TMEM71: variants seen among roughly 807,000 people sequenced by gnomAD.
TMEM71 encodes transmembrane protein 71.
TMEM71 carries 44 observed loss-of-function variants against 38.0 expected under a neutral mutation model. The observed-to-expected ratio is 1.16, with a 90% confidence interval of 0.91 to 1.49. The LOEUF (loss-of-function observed/expected upper bound fraction) is 1.49, where lower values mean the gene tolerates loss of function less well. TMEM71 is among the 40% of genes most tolerant of loss of function. The probability of loss-of-function intolerance (pLI) is 0.00; values close to 1 mark genes in which losing one functional copy is unlikely to be tolerated. For synonymous variants in TMEM71, 133 were observed against 122.5 expected (o/e 1.09, Z -0.56); for missense variants, 367 against 348.6 (o/e 1.05, Z -0.42).
At chr8:132,740,895 T>C (rs1827998076) in intron 5 of TMEM71, among the ~76,000 whole-genome samples, 1 of 152,164 alleles carries the variant, frequency 6.6e-6, no homozygotes, top group African/African-American at 2.4e-5. Context: ...TGCAGCCAGT[T>C]TGGGTTGGAG....
At chr8:132,767,012 A>G in the TMEM71 span, among the ~76,000 whole-genome samples, 3 of 152,150 alleles carry the variant, frequency 2.0e-5, no homozygotes, top group African/African-American at 7.2e-5. Flanking sequence ...AACTTCTCCT[A>G]TTTAGCAAAA....
At chr8:132,738,743 T>G (rs17607932) in intron 5 of TMEM71, among the ~76,000 whole-genome samples, 2,448 of 152,310 alleles carry the variant, frequency 0.016, 30 homozygotes, top group Non-Finnish European at 0.026. Flanking sequence ...TTTACACTCT[T>G]GTTATTGTGG....
At chr8:132,772,905 C>T in the TMEM71 span, among the ~76,000 whole-genome samples, 2 of 152,026 alleles carry the variant, frequency 1.3e-5, no homozygotes, top group East Asian at 1.9e-4. Context: ...AGTAATTAGC[C>T]GTTGGTGGCA....
At chr8:132,761,566 T>C (rs2131224396), upstream of TMEM71, among the ~76,000 whole-genome samples, 1 of 152,366 alleles carries the variant, frequency 6.6e-6, no homozygotes, top group East Asian at 1.9e-4. Context: ...TGGCAGGATC[T>C]TCTGTAGAAC....
At chr8:132,711,159 G>A (rs149746721) in intron 9 of TMEM71, among the ~76,000 whole-genome samples, 177 bp from the exon 10 acceptor site, 60 of 152,160 alleles carry the variant, frequency 3.9e-4, no homozygotes, top group African/African-American at 8.9e-4. Flanking sequence ...GGTACTTTTC[G>A]TTTTTGCTTT....
At chr8:132,773,134 G>C in the TMEM71 span, among the ~76,000 whole-genome samples, 1 of 152,152 alleles carries the variant, frequency 6.6e-6, no homozygotes, top group Admixed American at 6.5e-5. Context: ...GCATGACCTG[G>C]GGCAATTCTT....
At chr8:132,738,858 G>GCACACACA (rs10531257) in intron 5 of TMEM71, among the ~76,000 whole-genome samples, 1 of 150,518 alleles carries the variant, frequency 6.6e-6, no homozygotes, top group African/African-American at 2.4e-5. Context: ...AGTATTACAT[G>GCACACACA]CACACACACA....
intron 5 of TMEM71, among the ~76,000 whole-genome samples, chr8:132,739,373 G>A (rs893613950): frequency 1.1e-4 from 16 of 152,158 alleles, no homozygotes; most frequent in African/African-American, 7.2e-5. Context: ...GTGCAGTGGC[G>A]CGGTCTCCGC....
chr8:132,723,860 G>T (rs1385062198), intron 6 of TMEM71, among the ~76,000 whole-genome samples: 1 of 152,062 alleles, frequency 6.6e-6, no homozygotes, highest in South Asian at 2.1e-4. Flanking sequence ...TTTCAACGTA[G>T]GTTCTCCCTA....
chr8:132,768,130 C>A, the TMEM71 span, among the ~76,000 whole-genome samples: 1 of 152,152 alleles, frequency 6.6e-6, no homozygotes, highest in Non-Finnish European at 1.5e-5. Flanking sequence ...AACTGACTCA[C>A]CTCAATTTCC....
chr8:132,732,420 A>G (rs2131084400), intron 5 of TMEM71, among the ~76,000 whole-genome samples: 1 of 152,150 alleles, frequency 6.6e-6, no homozygotes, highest in East Asian at 1.9e-4. Flanking sequence ...GGTTCCCAGA[A>G]GAGTCCTCCT....
At chr8:132,737,085 G>A (rs955654875) in intron 5 of TMEM71, among the ~76,000 whole-genome samples, 8 of 152,164 alleles carry the variant, frequency 5.3e-5, no homozygotes, top group Non-Finnish European at 8.8e-5. Flanking sequence ...AATATTGGTC[G>A]TCAGGGGCTG....
intron 3 of TMEM71, among the ~76,000 whole-genome samples, chr8:132,756,409 TA>T (rs1829008584): frequency 1.4e-5 from 1 of 71,060 alleles, no homozygotes; most frequent in Non-Finnish European, 2.4e-5. Flanking sequence ...CTAACATATA[TA>T]TTATATATAT....
downstream of TMEM71, among the ~76,000 whole-genome samples, chr8:132,709,596 G>A (rs1047491924): frequency 5.3e-5 from 8 of 152,168 alleles, no homozygotes; most frequent in East Asian, 1.5e-3. Flanking sequence ...CAGAAGAGGA[G>A]AAGGTGATGT....
intron 4 of TMEM71, among the ~76,000 whole-genome samples, chr8:132,748,326 C>A (rs1828505549): frequency 6.6e-6 from 1 of 152,186 alleles, no homozygotes; most frequent in African/African-American, 2.4e-5. Flanking sequence ...GAACATCTGG[C>A]AGGTTTTGGA....
chr8:132,724,129 C>A (rs1586787896), intron 6 of TMEM71, among the ~76,000 whole-genome samples: 1 of 152,272 alleles, frequency 6.6e-6, no homozygotes, highest in African/African-American at 2.4e-5. Flanking sequence ...AGGGACAGGG[C>A]AAAATCAGAA....
intron 5 of TMEM71, among the ~76,000 whole-genome samples, chr8:132,736,832 A>C (rs1391372489): frequency 4.8e-4 from 8 of 16,528 alleles, no homozygotes; most frequent in Non-Finnish European, 1.3e-3. Flanking sequence ...CTCTGTCTCA[A>C]AAAAAAAAAA....
intron 9 of TMEM71, 102 bp downstream of exon 9, chr8:132,713,893 G>T: frequency 8.9e-7 from 1 of 1,127,748 alleles, no homozygotes; most frequent in Non-Finnish European, 1.3e-6. Flanking sequence ...TGATCAGGAT[G>T]TTTCCTGTCA....
intron 6 of TMEM71, among the ~76,000 whole-genome samples, chr8:132,727,158 T>C (rs1214077151): frequency 6.6e-6 from 1 of 152,166 alleles, no homozygotes; most frequent in African/African-American, 2.4e-5. Flanking sequence ...TGCCTTCTTA[T>C]GTAGTATGTC....
Sources: gnomAD v4.1 joint callset for allele counts (sites outside exome capture counted in the v4.1 genomes callset) on GRCh38, gnomAD v4.1.1 for gene constraint, MANE v1.5 for transcripts, NCBI Gene and HGNC (gene_info 2026-07-23, HGNC 2026-07-21) for gene names.